Variants in TRABD2B observed in about 807,000 individuals in gnomAD.
The protein encoded by TRABD2B is TraB domain containing 2B, also known as metalloprotease TIKI2.
TRABD2B carries 14 observed loss-of-function variants against 40.1 expected under a neutral mutation model. The ratio of observed to expected loss-of-function variants is 0.35; its 90% CI spans 0.23 to 0.55. TRABD2B has a LOEUF of 0.55. Ranked by LOEUF, TRABD2B falls within the 20% of genes least tolerant of loss-of-function variation. The pLI is 0.90. For missense variants in TRABD2B, 541 were observed against 648.6 expected (o/e 0.83, Z 1.80); for synonymous variants, 263 against 277.0 (o/e 0.95, Z 0.50).
At chr1:47,847,696 C>G (rs1645490874) in intron 2 of TRABD2B, among the ~76,000 whole-genome samples, 1 of 152,200 alleles carries the variant, frequency 6.6e-6, no homozygotes, top group Non-Finnish European at 1.5e-5. Context: ...CTGCCTTAAT[C>G]CACTCAACTA....
intron 2 of TRABD2B, among the ~76,000 whole-genome samples, chr1:47,937,637 T>G (rs2148354121): frequency 6.8e-6 from 1 of 147,986 alleles, no homozygotes; most frequent in South Asian, 2.1e-4. Flanking sequence ...TCACAGAATT[T>G]TTAGGAAAAA....
chr1:47,980,660 G>A (rs746140030), intron 2 of TRABD2B, among the ~76,000 whole-genome samples: 3 of 152,186 alleles, frequency 2.0e-5, no homozygotes, highest in Non-Finnish European at 4.4e-5. Flanking sequence ...AAGCATCCCA[G>A]CCATCTAGAC....
At chr1:47,770,158 C>A (rs1557552394) in intron 6 of TRABD2B, among the ~76,000 whole-genome samples, 1 of 152,162 alleles carries the variant, frequency 6.6e-6, no homozygotes, top group African/African-American at 2.4e-5. Flanking sequence ...CCTTAGAGAG[C>A]TTTTCAGCCT....
At chr1:47,820,474 C>T (rs1190425159) in intron 2 of TRABD2B, among the ~76,000 whole-genome samples, 1 of 152,190 alleles carries the variant, frequency 6.6e-6, no homozygotes, top group East Asian at 1.9e-4. Context: ...GTGGGATATG[C>T]CTGGGCCTGG....
In TRABD2B at chr1:47,765,277, T is replaced by TG. The variant is rs1160782264; in HGVS notation, c.*624dup. ...TCCCACCCCACCCCAGCGCTTTGGT[T>TG]GAAAACACTTACCAAGAGCTCTGGA... On this transcript the variant is annotated 3_prime_UTR_variant, in exon 7 of 7. Coordinates refer to ENST00000606738, the MANE Select transcript of TRABD2B (RefSeq NM_001194986.2). 1 of 152,532 alleles carries TG rather than the reference T, an allele frequency of 6.6e-6. No individual in the cohort carries two copies. Among genetic ancestry groups the TG allele is most frequent in the Non-Finnish European group, 1.5e-5 (1 of 68,298 alleles). 9.4% of individuals were successfully genotyped at this position (152,532 alleles called of 1,614,324 possible). A position where few individuals can be genotyped will look rare whatever the true frequency, so the allele number is the denominator to read the frequency against.
chr1:47,805,182 C>G (rs1557581251), intron 2 of TRABD2B, among the ~76,000 whole-genome samples: 1 of 152,152 alleles, frequency 6.6e-6, no homozygotes, highest in African/African-American at 2.4e-5. Context: ...CTCTGCAGTG[C>G]CCTGGACCAC....
chr1:47,933,283 T>G (rs1251830482), intron 2 of TRABD2B, among the ~76,000 whole-genome samples: 1 of 150,814 alleles, frequency 6.6e-6, no homozygotes, highest in African/African-American at 2.5e-5. Flanking sequence ...TTTTTTTTTT[T>G]GTATTTTTTT....
chr1:47,831,851 G>A (rs998809449), intron 2 of TRABD2B, among the ~76,000 whole-genome samples: 34 of 152,218 alleles, frequency 2.2e-4, no homozygotes, highest in Admixed American at 2.0e-3. Context: ...CCAGTATGTC[G>A]TCGCTCATCC....
chr1:47,921,148 T>C (rs1381041584), intron 2 of TRABD2B, among the ~76,000 whole-genome samples: 1 of 152,226 alleles, frequency 6.6e-6, no homozygotes, highest in Non-Finnish European at 1.5e-5. Context: ...CACTGAAACC[T>C]TTCCCTGCCA....
chr1:47,776,778 G>C (rs1275015613), intron 5 of TRABD2B, among the ~76,000 whole-genome samples: 3 of 152,146 alleles, frequency 2.0e-5, no homozygotes, highest in African/African-American at 7.2e-5. Flanking sequence ...CGATGGGTGA[G>C]GAGCTTCTCT....
At chr1:47,927,606 T>G (rs548277005) in intron 2 of TRABD2B, among the ~76,000 whole-genome samples, 278 of 152,196 alleles carry the variant, frequency 1.8e-3, no homozygotes, top group Non-Finnish European at 2.9e-3. Context: ...AAAAAAACAC[T>G]CCATGTTTGT....
chr1:47,824,081 C>T (rs1006922350), intron 2 of TRABD2B, among the ~76,000 whole-genome samples: 1 of 152,202 alleles, frequency 6.6e-6, no homozygotes, highest in South Asian at 2.1e-4. Context: ...ATTCTCTCAT[C>T]CTTCCTGAGC....
intron 2 of TRABD2B, among the ~76,000 whole-genome samples, chr1:47,913,778 C>T (rs1479236884): frequency 6.6e-6 from 1 of 152,096 alleles, no homozygotes; most frequent in African/African-American, 2.4e-5. Context: ...AGGAAAAGTA[C>T]AATAAACAAT....
chr1:47,919,926 G>A (rs77231750), intron 2 of TRABD2B, among the ~76,000 whole-genome samples: 3,571 of 152,314 alleles, frequency 0.023, 106 homozygotes, highest in Admixed American at 0.09. Context: ...CCTGGATGTC[G>A]CACTGAGCAT....
intron 2 of TRABD2B, chr1:47,819,068 C>G (rs1433204386): frequency 2.6e-5 from 4 of 152,270 alleles, no homozygotes; most frequent in Admixed American, 2.6e-4. Flanking sequence ...CCAGTGCTGA[C>G]AAGCCTGTTG....
chr1:47,873,695 G>A (rs1644177604), intron 2 of TRABD2B, among the ~76,000 whole-genome samples: 1 of 152,134 alleles, frequency 6.6e-6, no homozygotes, highest in South Asian at 2.1e-4. Flanking sequence ...GCACGGTCTT[G>A]GTGGCCCTGT....
intron 2 of TRABD2B, among the ~76,000 whole-genome samples, chr1:47,839,629 T>C (rs1034475383): frequency 1.1e-4 from 17 of 152,180 alleles, no homozygotes; most frequent in Non-Finnish European, 2.4e-4. Flanking sequence ...AGAGAGAGAA[T>C]GAACTGAGGC....
intron 2 of TRABD2B, among the ~76,000 whole-genome samples, chr1:47,921,423 T>A (rs1644900429): frequency 6.6e-6 from 1 of 152,092 alleles, no homozygotes; most frequent in Non-Finnish European, 1.5e-5. Flanking sequence ...CCAACAACCA[T>A]CAGACTTCCA....
At chr1:47,905,102 G>C (rs913408008) in intron 2 of TRABD2B, among the ~76,000 whole-genome samples, 1 of 152,100 alleles carries the variant, frequency 6.6e-6, no homozygotes, top group Non-Finnish European at 1.5e-5. Flanking sequence ...CAAGTAACTG[G>C]AAAGAGGGAG....
Sources: gnomAD v4.1 joint callset for allele counts (sites outside exome capture counted in the v4.1 genomes callset) on GRCh38, gnomAD v4.1.1 for gene constraint, MANE v1.5 for transcripts, NCBI Gene and HGNC (gene_info 2026-07-23, HGNC 2026-07-21) for gene names.